LGR5: variants seen among roughly 807,000 people sequenced by gnomAD.
LGR5 encodes leucine-rich repeat-containing G protein-coupled receptor 5.
Under a neutral mutation model 76.7 loss-of-function variants are expected in LGR5, and 54 were observed. That is an observed-to-expected ratio of 0.70 (90% CI 0.57 to 0.88). The LOEUF (loss-of-function observed/expected upper bound fraction) is 0.88, where lower values mean the gene tolerates loss of function less well. Among genes scored for constraint, LGR5 ranks in the 40% least tolerant of loss-of-function variants. LGR5 has a pLI of 0.00. For synonymous variants in LGR5, 406 were observed against 421.9 expected, an observed-to-expected ratio of 0.96 and a Z score of 0.46; for missense variants, 1,078 against 1,073.3, an observed-to-expected ratio of 1.00 and a Z score of -0.06.
intron 3 of LGR5, among the ~76,000 whole-genome samples, chr12:71,531,333 C>T (rs2094404670): frequency 6.6e-6 from 1 of 152,164 alleles, no homozygotes; most frequent in African/African-American, 2.4e-5. Flanking sequence ...TTTTCCCTCC[C>T]ATTGGAATAT....
chr12:71,584,012 T>C lies in LGR5; in HGVS notation c.2002T>C (p.Tyr668His). ...AALERGFSVK[Y>H]SAKFETKAPF... is the part of the protein sequence containing the mutation. ...CCTGGAGCGTGGGTTCTCTGTGAAA[T>C]ATTCTGCAAAATTTGAAACGAAAGC... Residue 668 changes from tyrosine (Y) to histidine (H), a missense_variant, in exon 18 of 18, where the codon TAT (tyrosine) becomes CAT (histidine). Coordinates refer to ENST00000266674, the MANE Select transcript of LGR5 (RefSeq NM_003667.4). 6.2e-7 allele frequency: 1 copy of C among 1,614,198 alleles called. No individual in the cohort carries two copies. The highest frequency in any genetic ancestry group is 2.2e-5 in the East Asian group (1 of 44,870).
intron 1 of LGR5, among the ~76,000 whole-genome samples, chr12:71,465,940 C>T (rs73334186): frequency 0.045 from 6,893 of 152,292 alleles, 375 homozygotes; most frequent in African/African-American, 0.13. Flanking sequence ...AAGGCAGCAA[C>T]TGCACCTCTT....
chr12:71,440,442 C>T lies in LGR5; in HGVS notation c.212+150C>T. The T allele has an allele frequency of 1.4e-6, 1 of 722,574 alleles. No individual in the cohort carries two copies. Among genetic ancestry groups the T allele is most frequent in the Non-Finnish European group, 2.3e-6 (1 of 427,240 alleles). The allele number at this position is 722,574 out of a possible 1,614,324, so 44.8% of individuals were successfully genotyped here. On this transcript the variant is annotated intron_variant, in intron 1 of 17. Coordinates refer to ENST00000266674, the MANE Select transcript of LGR5 (RefSeq NM_003667.4). The surrounding 1 kb of genome is among the most constrained non-coding windows in gnomAD (Gnocchi z 5.3). ...GCATCCTGGCCAGGCCTGTTAGGGC[C>T]CCCAGAGAAATGCACGTGTCTCGGG...
chr12:71,455,329 C>T (rs1224826587), intron 1 of LGR5, among the ~76,000 whole-genome samples: 1 of 152,088 alleles, frequency 6.6e-6, no homozygotes, highest in East Asian at 1.9e-4. Flanking sequence ...TCTGAAGTCT[C>T]TCCTAATTCA....
intron 4 of LGR5, among the ~76,000 whole-genome samples, chr12:71,550,664 A>G (rs186184002): frequency 6.6e-6 from 1 of 151,112 alleles, no homozygotes. Context: ...GGGTTTCTCC[A>G]TGTTGGCCAG....
chr12:71,507,557 C>G (rs546605390), intron 2 of LGR5, among the ~76,000 whole-genome samples: 1 of 152,264 alleles, frequency 6.6e-6, no homozygotes, highest in South Asian at 2.1e-4. Flanking sequence ...AAAGTATCAT[C>G]AGAACTTTCA....
At chr12:71,491,018 C>T (rs1425455882) in intron 1 of LGR5, among the ~76,000 whole-genome samples, 1 of 152,122 alleles carries the variant, frequency 6.6e-6, no homozygotes, top group Non-Finnish European at 1.5e-5. Context: ...CAATGCTGTT[C>T]TCCTGATAGC....
intron 4 of LGR5, among the ~76,000 whole-genome samples, chr12:71,541,118 T>A (rs992884919): frequency 6.6e-6 from 1 of 152,204 alleles, no homozygotes; most frequent in Admixed American, 6.5e-5. Context: ...ACCCAGTGAA[T>A]TCTTATGAGG....
rs535322949 is a variant in LGR5 at position 71,474,006 on chromosome 12, A to G, written c.213-30608A>G. Among the ~76,000 whole-genome samples, 353 of 152,296 alleles carry G rather than the reference A, an allele frequency of 2.3e-3. 1 individual carries two copies. Among genetic ancestry groups the G allele is most frequent in the Middle Eastern group, 0.01 (3 of 294 alleles). ...GAATATTACTGTACAAATCTCATGCACTAAAATCTCTTCAAAAATGAGCCC... is the reference window on the plus strand; with the variant it reads ...GAATATTACTGTACAAATCTCATGCGCTAAAATCTCTTCAAAAATGAGCCC... On this transcript the variant is annotated intron_variant, in intron 1 of 17. Coordinates refer to ENST00000266674, the MANE Select transcript of LGR5 (RefSeq NM_003667.4).
In LGR5 at chr12:71,475,452, A is replaced by G. The variant is rs573927969; in HGVS notation, c.213-29162A>G. Among the ~76,000 whole-genome samples, 14 of 152,250 alleles carry G rather than the reference A, an allele frequency of 9.2e-5. No homozygotes were observed. In the South Asian group the frequency reaches 2.9e-3, roughly 32 times the overall value. On this transcript the variant is annotated intron_variant, in intron 1 of 17. Transcript: ENST00000266674. ...GATAGTCTGAACTTCTCAACGTGAC[A>G]TATGAGGCCAGCTTGATCTGGCCTT...
At chr12:71,572,390 TGTTTTATAGTCACACTTCA>T (rs1878653307) in intron 12 of LGR5, among the ~76,000 whole-genome samples, 1 of 152,234 alleles carries the variant, frequency 6.6e-6, no homozygotes, top group African/African-American at 2.4e-5. Context: ...CCAAACTTGT[TGTTTTATAGTCACACTTCA>T]GTTTTGATCA....
At chr12:71,445,001 T>A (rs1871920260) in intron 1 of LGR5, among the ~76,000 whole-genome samples, 1 of 152,182 alleles carries the variant, frequency 6.6e-6, no homozygotes, top group African/African-American at 2.4e-5. Context: ...GCTACAAATT[T>A]AAGTATGTTT....
chr12:71,524,638 C>A (rs1345741332), intron 3 of LGR5, among the ~76,000 whole-genome samples, 161 bp downstream of exon 3: 2 of 152,230 alleles, frequency 1.3e-5, no homozygotes, highest in Non-Finnish European at 2.9e-5. Context: ...CCATATCACA[C>A]TTGGCTAAAT....
At chr12:71,513,278 G>C (rs1875259730) in intron 2 of LGR5, among the ~76,000 whole-genome samples, 1 of 152,196 alleles carries the variant, frequency 6.6e-6, no homozygotes, top group Non-Finnish European at 1.5e-5. Context: ...ATAGTGGTAA[G>C]AGTAGTAAGA....
chr12:71,552,332 A>G (rs1877526755), intron 4 of LGR5, among the ~76,000 whole-genome samples: 1 of 152,138 alleles, frequency 6.6e-6, no homozygotes, highest in African/African-American at 2.4e-5. Context: ...TGGGAGGCCG[A>G]GGTGGGCAGA....
At position 71,566,644 on chromosome 12, in the gene LGR5, TG is replaced by T; in HGVS notation, c.943del (p.Ala315ProfsTer4). On this transcript the variant is annotated frameshift_variant, in exon 10 of 18. Transcript: ENST00000266674. LOFTEE classifies it high-confidence loss of function. ...CTCCTCTTTCTAGGACTCTGAATGGTGCCTCACAAATAACTGAATTTCCTGA... is the reference window on the plus strand; with the variant it reads ...CTCCTCTTTCTAGGACTCTGAATGGTCCTCACAAATAACTGAATTTCCTGA... ...PELRTLTLNG[A>X]SQITEFPDLT... 1 of 1,612,922 alleles carries T rather than the reference TG, an allele frequency of 6.2e-7. No homozygotes were observed. Among genetic ancestry groups the T allele is most frequent in the Non-Finnish European group, 8.5e-7 (1 of 1,179,016 alleles).
intron 4 of LGR5, among the ~76,000 whole-genome samples, chr12:71,550,385 T>C (rs553299326): frequency 2.6e-5 from 4 of 151,400 alleles, no homozygotes; most frequent in Admixed American, 2.6e-4. Context: ...TCCTGACCTC[T>C]GTCTCCCTAA....
chr12:71,450,529 C>T (rs1048637304), intron 1 of LGR5, among the ~76,000 whole-genome samples: 1 of 152,198 alleles, frequency 6.6e-6, no homozygotes, highest in African/African-American at 2.4e-5. Context: ...AGGCTGGTCT[C>T]GAACTCCTGG....
Position 71,578,815 on chromosome 12 carries a change from C to T in LGR5, c.1292C>T (p.Ser431Phe). ...TTGATGTTTTGCAGGGACCTATCGT[C>T]CAACCTCCTGTCGTCTTTTCCTATA... Reference protein sequence around the residue: ...LPSLIKLDLSSNLLSSFPITG... With the variant: ...LPSLIKLDLSFNLLSSFPITG... Residue 431 changes from serine (S) to phenylalanine (F), a missense_variant, in exon 15 of 18, where the codon TCC (serine) becomes TTC (phenylalanine). Coordinates refer to ENST00000266674, the MANE Select transcript of LGR5 (RefSeq NM_003667.4). The T allele has an allele frequency of 6.2e-7, 1 of 1,608,144 alleles. No individual in the cohort carries two copies. The highest frequency in any genetic ancestry group is 8.5e-7 in the Non-Finnish European group (1 of 1,177,244).
Sources: allele counts gnomAD v4.1 joint callset (sites outside exome capture counted in the v4.1 genomes callset), GRCh38; gene constraint gnomAD v4.1.1; non-coding constraint Gnocchi (gnomAD v3.1); transcripts MANE v1.5; gene names NCBI Gene and HGNC (gene_info 2026-07-23, HGNC 2026-07-21).